The following APP variants were observed in gnomAD, a reference collection of about 807,000 sequenced individuals.
APP encodes the protein amyloid beta precursor protein, also known as amyloid-beta precursor protein.
Under a neutral mutation model 101.4 loss-of-function variants are expected in APP, and 31 were observed. That is an observed-to-expected ratio of 0.31 (90% confidence interval 0.23 to 0.41). The LOEUF is 0.41. Ranked by LOEUF, APP falls within the 10% of genes least tolerant of loss-of-function variation. The pLI, the probability that APP is intolerant of heterozygous loss-of-function variation, is 1.00. For synonymous variants in APP, 366 were observed against 364.4 expected (o/e 1.00, Z -0.05); for missense variants, 839 against 1,003.7 (o/e 0.84, Z 2.22).
At chr21:25,998,175 C>A (rs2242689) in intron 7 of APP, among the ~76,000 whole-genome samples, 2,979 of 152,208 alleles carry the variant, frequency 0.02, 96 homozygotes, top group African/African-American at 0.067. Context: ...TGAATCCACC[C>A]AGGGAAAGGG....
intron 13 of APP, among the ~76,000 whole-genome samples, chr21:25,929,526 T>C (rs1179472588): frequency 6.6e-6 from 1 of 152,180 alleles, no homozygotes; most frequent in East Asian, 1.9e-4. Flanking sequence ...GGAATGAGGA[T>C]AATTAGGCCT....
intron 1 of APP, among the ~76,000 whole-genome samples, chr21:26,136,590 T>C (rs2062923512): frequency 6.6e-6 from 1 of 152,192 alleles, no homozygotes; most frequent in Admixed American, 6.5e-5. Context: ...AAAATATGGA[T>C]TTTTAAGGAG....
At chr21:25,985,334 T>C (rs1054306093) in intron 8 of APP, among the ~76,000 whole-genome samples, 3 of 152,216 alleles carry the variant, frequency 2.0e-5, no homozygotes. Context: ...GTGAGGGTGC[T>C]TCTGGATGAG....
intron 5 of APP, among the ~76,000 whole-genome samples, chr21:26,040,172 C>T (rs540124554): frequency 6.6e-6 from 1 of 152,292 alleles, no homozygotes; most frequent in South Asian, 2.1e-4. Flanking sequence ...ACATTGAACA[C>T]ATAAAGTCAC....
chr21:26,027,492 G>C (rs147513195), intron 5 of APP, among the ~76,000 whole-genome samples: 1 of 152,298 alleles, frequency 6.6e-6, no homozygotes, highest in East Asian at 1.9e-4. Context: ...TCCGGGGAGG[G>C]AGGGCAAAGT....
intron 1 of APP, chr21:26,140,059 T>C (rs761578544): frequency 2.3e-5 from 23 of 997,880 alleles, no homozygotes; most frequent in South Asian, 7.2e-5. Context: ...ATAAGTAACA[T>C]TGTACTTTTG....
At chr21:25,952,430 T>C (rs1393926502) in intron 13 of APP, among the ~76,000 whole-genome samples, 1 of 151,662 alleles carries the variant, frequency 6.6e-6, no homozygotes. Flanking sequence ...GTTATCTAAA[T>C]ATCCTCCCTG....
At chr21:25,978,550 G>A (rs957992340) in intron 9 of APP, among the ~76,000 whole-genome samples, 2 of 151,918 alleles carry the variant, frequency 1.3e-5, no homozygotes, top group African/African-American at 4.8e-5. Flanking sequence ...TGTACCCTGT[G>A]GTACCCAATT....
rs556501594 is a variant in APP at position 25,899,589 on chromosome 21, G to A, written c.1964-1916C>T. Among the ~76,000 whole-genome samples the A allele has an allele frequency of 9.2e-5, 14 of 152,252 alleles. 1 individual carries two copies. The highest frequency in any genetic ancestry group is 4.6e-4 in the Admixed American group (7 of 15,284). The stretch of plus-strand genomic sequence containing the variant: ...ACTGAGGTCTCTTAGTAACAGTGAC[G>A]TGAGTGAGCCACGTTGGAAACAGAC... On this transcript the variant is annotated intron_variant, in intron 15 of 17. Coordinates refer to ENST00000346798, the MANE Select transcript of APP (RefSeq NM_000484.4).
At chr21:25,884,520 C>T (rs2037197837) in intron 17 of APP, among the ~76,000 whole-genome samples, 1 of 152,162 alleles carries the variant, frequency 6.6e-6, no homozygotes, top group Non-Finnish European at 1.5e-5. Context: ...AATTAGCCTC[C>T]AACTTGTAAG....
chr21:25,962,231 C>T (rs1322099682), intron 11 of APP, among the ~76,000 whole-genome samples: 1 of 152,062 alleles, frequency 6.6e-6, no homozygotes, highest in South Asian at 2.1e-4. Context: ...TTTAAAAAAT[C>T]ATTCAAAATA....
chr21:26,137,532 A>G (rs1034007973), intron 1 of APP, among the ~76,000 whole-genome samples: 2 of 152,170 alleles, frequency 1.3e-5, no homozygotes, highest in African/African-American at 4.8e-5. Flanking sequence ...AACGAGACGG[A>G]GGTTTGCTCC....
At chr21:26,123,288 T>TAAA (rs2062613482) in intron 1 of APP, among the ~76,000 whole-genome samples, 2 of 152,216 alleles carry the variant, frequency 1.3e-5, no homozygotes. Context: ...CTAGGATTTT[T>TAAA]GGTCTAGGAG....
At chr21:26,077,823 C>T (rs1207457863) in intron 3 of APP, among the ~76,000 whole-genome samples, 1 of 145,000 alleles carries the variant, frequency 6.9e-6, no homozygotes, top group African/African-American at 2.5e-5. Flanking sequence ...GCATCACCAA[C>T]AAGTTGAAAT....
At chr21:26,128,128 C>T (rs1158687765) in intron 1 of APP, among the ~76,000 whole-genome samples, 1 of 152,176 alleles carries the variant, frequency 6.6e-6, no homozygotes, top group Non-Finnish European at 1.5e-5. Flanking sequence ...AAGACGTCTG[C>T]CTGCCAAGTT....
intron 17 of APP, among the ~76,000 whole-genome samples, chr21:25,890,804 GTCTCGGCC>G (rs2037644992): frequency 6.6e-6 from 1 of 150,672 alleles, no homozygotes; most frequent in Non-Finnish European, 1.5e-5. Context: ...GAACCCTTCT[GTCTCGGCC>G]TCAGTTCCCT....
chr21:26,006,716 G>C (rs890069035), intron 6 of APP, among the ~76,000 whole-genome samples: 1 of 152,184 alleles, frequency 6.6e-6, no homozygotes, highest in Non-Finnish European at 1.5e-5. Context: ...AATAAATTTA[G>C]AATGAACACA....
At chr21:25,905,480 T>C (rs1012491981) in intron 14 of APP, among the ~76,000 whole-genome samples, 1 of 152,214 alleles carries the variant, frequency 6.6e-6, no homozygotes, top group Non-Finnish European at 1.5e-5. Flanking sequence ...TGCCCAATCT[T>C]ATCTTATTTT....
intron 9 of APP, among the ~76,000 whole-genome samples, chr21:25,979,622 A>G (rs1394437370): frequency 1.3e-5 from 2 of 152,240 alleles, no homozygotes; most frequent in African/African-American, 2.4e-5. Context: ...GATGACTAAA[A>G]GATGAACAAA....
Sources: allele counts gnomAD v4.1 joint callset (sites outside exome capture counted in the v4.1 genomes callset), GRCh38; gene constraint gnomAD v4.1.1; transcripts MANE v1.5; gene names NCBI Gene and HGNC (gene_info 2026-07-23, HGNC 2026-07-21).